FBXL20: variants seen among roughly 807,000 people sequenced by gnomAD.
FBXL20 encodes the protein F-box and leucine rich repeat protein 20.
FBXL20 carries 11 observed loss-of-function variants against 64.0 expected under a neutral mutation model. The ratio of observed to expected loss-of-function variants is 0.17; its 90% CI spans 0.11 to 0.28. The LOEUF is 0.28. Ranked by LOEUF, FBXL20 falls within the 10% of genes least tolerant of loss-of-function variation. FBXL20 has a pLI of 1.00. For synonymous variants in FBXL20, 184 were observed against 189.0 expected, an observed-to-expected ratio of 0.97 and a Z score of 0.22; for missense variants, 303 against 526.2, an observed-to-expected ratio of 0.58 and a Z score of 4.15.
At chr17:39,370,789 C>T (rs566237737) in intron 1 of FBXL20, among the ~76,000 whole-genome samples, 82 of 146,492 alleles carry the variant, frequency 5.6e-4, no homozygotes, top group African/African-American at 1.8e-3. Context: ...AGCGAGACTC[C>T]GTCTCAAAAA....
At chr17:39,291,031 G>C (rs981554479) in intron 6 of FBXL20, among the ~76,000 whole-genome samples, 1 of 151,092 alleles carries the variant, frequency 6.6e-6, no homozygotes, top group African/African-American at 2.4e-5. Context: ...GCGCGATCTC[G>C]GCTCACTGCA....
chr17:39,372,111 T>A (rs1328798841), intron 1 of FBXL20, among the ~76,000 whole-genome samples: 1 of 152,158 alleles, frequency 6.6e-6, no homozygotes, highest in Non-Finnish European at 1.5e-5. Context: ...TTCTTTCTCT[T>A]TTCCTTTTTC....
chr17:39,377,294 C>T lies in FBXL20; in HGVS notation c.42+24067G>A, dbSNP rs374908987. ...CTGACTCAGTGCAAGAGGACAGCTT[C>T]GACTCCCTATGATTTCATCCCTGAC... On this transcript the variant is annotated intron_variant, in intron 1 of 14. Coordinates refer to ENST00000264658, the MANE Select transcript of FBXL20 (RefSeq NM_032875.3). Among the ~76,000 whole-genome samples, 122 of 152,142 alleles carry T rather than the reference C, an allele frequency of 8.0e-4. 1 individual carries two copies. Among genetic ancestry groups the T allele is most frequent in the African/African-American group, 2.9e-3 (119 of 41,504 alleles).
At chr17:39,399,213 C>T (rs1462713491) in intron 1 of FBXL20, among the ~76,000 whole-genome samples, 1 of 124,414 alleles carries the variant, frequency 8.0e-6, no homozygotes, top group African/African-American at 4.4e-5. Flanking sequence ...CAAAAATTCT[C>T]AATGAGATCT....
intron 10 of FBXL20, 98 bp downstream of exon 10, chr17:39,274,872 G>C (rs2046875961): frequency 6.7e-7 from 1 of 1,494,484 alleles, no homozygotes; most frequent in Non-Finnish European, 9.1e-7. Flanking sequence ...CAAAGCGTCT[G>C]CAGTGCCTAC....
chr17:39,327,289 A>C (rs1414074541), intron 2 of FBXL20, among the ~76,000 whole-genome samples: 2 of 152,228 alleles, frequency 1.3e-5, no homozygotes, highest in Admixed American at 6.5e-5. Flanking sequence ...ATCAGGCTAA[A>C]GACAAAAAGC....
intron 1 of FBXL20, among the ~76,000 whole-genome samples, chr17:39,358,489 C>A (rs2047763109): frequency 6.6e-6 from 1 of 152,094 alleles, no homozygotes; most frequent in African/African-American, 2.4e-5. Flanking sequence ...TTGAGACCAG[C>A]CTGGCCAACA....
At chr17:39,363,820 A>AAAC (rs1213818016) in intron 1 of FBXL20, among the ~76,000 whole-genome samples, 1,692 of 103,806 alleles carry the variant, frequency 0.016, 150 homozygotes, top group African/African-American at 0.074. Flanking sequence ...CAAAAAAAAA[A>AAAC]AAAAAACAAA....
intron 2 of FBXL20, among the ~76,000 whole-genome samples, chr17:39,324,184 T>C (rs997848930): frequency 1.3e-5 from 2 of 150,102 alleles, no homozygotes; most frequent in Admixed American, 6.6e-5. Context: ...TCAGTATACC[T>C]GGAGTGCTTA....
intron 2 of FBXL20, among the ~76,000 whole-genome samples, chr17:39,312,918 CTTTTTTTT>C (rs56972736): frequency 1.8e-5 from 2 of 110,612 alleles, no homozygotes; most frequent in African/African-American, 7.5e-5. Flanking sequence ...AAGATAGTTA[CTTTTTTTT>C]TTTTTTTTTT....
intron 2 of FBXL20, among the ~76,000 whole-genome samples, chr17:39,338,905 G>A (rs2047554985): frequency 6.6e-6 from 1 of 152,080 alleles, no homozygotes. Context: ...AACAGCTCAT[G>A]CCTGTAATTC....
intron 1 of FBXL20, among the ~76,000 whole-genome samples, chr17:39,383,474 C>T (rs2048046184): frequency 6.6e-6 from 1 of 152,018 alleles, no homozygotes; most frequent in Non-Finnish European, 1.5e-5. Context: ...ACAGAAAAAC[C>T]CTACAAGGAT....
intron 1 of FBXL20, among the ~76,000 whole-genome samples, chr17:39,348,391 C>A (rs180834445): frequency 6.6e-6 from 1 of 151,424 alleles, no homozygotes; most frequent in African/African-American, 2.4e-5. Context: ...AACCTGGGAG[C>A]GGAGGTTGCA....
At chr17:39,282,705 C>T (rs2046958573) in intron 8 of FBXL20, 24 bp downstream of exon 8, 1 of 1,613,808 alleles carries the variant, frequency 6.2e-7, no homozygotes, top group East Asian at 2.2e-5. Context: ...TTCCGAATTT[C>T]ACGAGCCCTA....
chr17:39,390,017 T>C (rs7215002), intron 1 of FBXL20, among the ~76,000 whole-genome samples: 1 of 152,192 alleles, frequency 6.6e-6, no homozygotes, highest in African/African-American at 2.4e-5. Flanking sequence ...GAGACACTTA[T>C]TCATATTTGC....
intron 1 of FBXL20, among the ~76,000 whole-genome samples, chr17:39,349,233 C>T (rs1361375553): frequency 1.4e-5 from 2 of 140,126 alleles, no homozygotes; most frequent in African/African-American, 2.6e-5. Flanking sequence ...GCCTGGGGAA[C>T]AGAGCGGGAC....
At chr17:39,380,655 T>C (rs528353569) in intron 1 of FBXL20, among the ~76,000 whole-genome samples, 2 of 152,308 alleles carry the variant, frequency 1.3e-5, no homozygotes, top group South Asian at 4.1e-4. Flanking sequence ...ACATCTGGCA[T>C]ATTATTTACT....
At chr17:39,279,259 G>C (rs1009827443) in intron 9 of FBXL20, among the ~76,000 whole-genome samples, 2 of 152,138 alleles carry the variant, frequency 1.3e-5, no homozygotes, top group East Asian at 3.9e-4. Context: ...AGCACTTTGC[G>C]AGGCTGAGGC....
intron 2 of FBXL20, among the ~76,000 whole-genome samples, chr17:39,311,578 T>TC (rs1248463205): frequency 6.6e-6 from 1 of 152,172 alleles, no homozygotes. Flanking sequence ...ATATTGATTA[T>TC]CCAACTCCAC....
Sources: gnomAD v4.1 joint callset for allele counts (sites outside exome capture counted in the v4.1 genomes callset) on GRCh38, gnomAD v4.1.1 for gene constraint, MANE v1.5 for transcripts, NCBI Gene and HGNC (gene_info 2026-07-23, HGNC 2026-07-21) for gene names.